CFAP61: variants seen among roughly 807,000 people sequenced by gnomAD.
CFAP61 encodes cilia- and flagella-associated protein 61.
Under a neutral mutation model 135.6 loss-of-function variants are expected in CFAP61, and 107 were observed. The observed-to-expected ratio is 0.79, with a 90% confidence interval of 0.67 to 0.93. The LOEUF (loss-of-function observed/expected upper bound fraction) is 0.93, where lower values mean the gene tolerates loss of function less well. Ranked by LOEUF, CFAP61 falls within the 40% of genes least tolerant of loss-of-function variation. CFAP61 has a pLI of 0.00. For synonymous variants in CFAP61, 575 were observed against 578.5 expected (o/e 0.99, Z 0.09); for missense variants, 1,507 against 1,556.2 (o/e 0.97, Z 0.53).
At chr20:20,116,216 C>G (rs2049130065) in intron 8 of CFAP61, among the ~76,000 whole-genome samples, 1 of 152,060 alleles carries the variant, frequency 6.6e-6, no homozygotes, top group African/African-American at 2.4e-5. Context: ...TTTCATGTAC[C>G]TGTTGTCCAT....
chr20:20,194,375 C>G (rs2056139793), intron 15 of CFAP61, among the ~76,000 whole-genome samples: 1 of 152,162 alleles, frequency 6.6e-6, no homozygotes, highest in Non-Finnish European at 1.5e-5. Flanking sequence ...ACTTCCGAGT[C>G]TCTTTCTTGT....
At chr20:20,093,360 A>G (rs1426396150) in intron 7 of CFAP61, among the ~76,000 whole-genome samples, 2 of 151,984 alleles carry the variant, frequency 1.3e-5, no homozygotes, top group Non-Finnish European at 2.9e-5. Context: ...GGGGATGAAA[A>G]TGTTCTGGGA....
intron 25 of CFAP61, among the ~76,000 whole-genome samples, chr20:20,308,343 G>A (rs2056601079): frequency 6.6e-6 from 1 of 151,996 alleles, no homozygotes. Flanking sequence ...GCCCAGTGGA[G>A]ACAGAGGAAG....
At chr20:20,098,298 TGACCTCTGA>T (rs1568896202) in intron 7 of CFAP61, among the ~76,000 whole-genome samples, 1 of 152,186 alleles carries the variant, frequency 6.6e-6, no homozygotes, top group Non-Finnish European at 1.5e-5. Context: ...GAGAATCATT[TGACCTCTGA>T]TAAAGTAATG....
chr20:20,336,569 G>A (rs957777883), intron 25 of CFAP61, among the ~76,000 whole-genome samples: 3 of 151,652 alleles, frequency 2.0e-5, no homozygotes, highest in East Asian at 1.9e-4. Flanking sequence ...AGGCTGCAGC[G>A]AGCTATGACT....
chr20:20,063,606 AC>A (rs2044993932), intron 2 of CFAP61, among the ~76,000 whole-genome samples: 1 of 152,198 alleles, frequency 6.6e-6, no homozygotes, highest in Non-Finnish European at 1.5e-5. Flanking sequence ...ATGTATACAA[AC>A]CTTTAACAAA....
intron 25 of CFAP61, among the ~76,000 whole-genome samples, chr20:20,301,328 C>G (rs1401298031): frequency 5.3e-5 from 8 of 152,086 alleles, no homozygotes; most frequent in African/African-American, 1.9e-4. Context: ...AGTTTGTAAC[C>G]TAGGAGCAAC....
rs2053223240 is a variant in CFAP61 at position 20,159,508 on chromosome 20, C to G, written c.1026+64C>G. On this transcript the variant is annotated intron_variant, in intron 10 of 26. Transcript: ENST00000245957. ...CCCCATGGGTTTCACACCTTTCTACCTCAGAGGATTTGTGCCCTTTCCTCC... is the reference window on the plus strand; with the variant it reads ...CCCCATGGGTTTCACACCTTTCTACGTCAGAGGATTTGTGCCCTTTCCTCC... The G allele has an allele frequency of 5.8e-6, 8 of 1,386,766 alleles. No individual in the cohort carries two copies. The South Asian group carries it at 8.1e-5, about 14-fold the overall frequency. The allele number at this position is 1,386,766 out of a possible 1,614,324, so 85.9% of individuals were successfully genotyped here. A position where few individuals can be genotyped will look rare whatever the true frequency, so the allele number is the denominator to read the frequency against.
intron 22 of CFAP61, among the ~76,000 whole-genome samples, chr20:20,286,927 G>A (rs1450198321): frequency 2.6e-5 from 4 of 152,206 alleles, no homozygotes; most frequent in Non-Finnish European, 5.9e-5. Flanking sequence ...GTAGGTAGAA[G>A]AACTTCTGTG....
At chr20:20,219,313 T>C (rs1461710986) in intron 17 of CFAP61, among the ~76,000 whole-genome samples, 31 of 152,202 alleles carry the variant, frequency 2.0e-4, no homozygotes, top group Admixed American at 2.0e-3. Context: ...GACTCTAGAA[T>C]ATTGATTTTA....
chr20:20,155,474 AACAG>A (rs2052818902), intron 9 of CFAP61, among the ~76,000 whole-genome samples: 1 of 152,190 alleles, frequency 6.6e-6, no homozygotes, highest in Admixed American at 6.5e-5. Flanking sequence ...CAGCAGAGTA[AACAG>A]ACAGCCCACA....
intron 9 of CFAP61, among the ~76,000 whole-genome samples, chr20:20,153,299 C>A (rs1289968766): frequency 6.6e-6 from 1 of 152,024 alleles, no homozygotes; most frequent in Non-Finnish European, 1.5e-5. Flanking sequence ...AGTCTAAGGT[C>A]ACACCTCAAG....
intron 11 of CFAP61, among the ~76,000 whole-genome samples, chr20:20,165,518 C>T (rs2053758693): frequency 6.6e-6 from 1 of 151,806 alleles, no homozygotes; most frequent in Non-Finnish European, 1.5e-5. Flanking sequence ...CCCACCCTGC[C>T]CCTCCAGAAC....
At chr20:20,172,166 A>G in intron 13 of CFAP61, 1 of 860,480 alleles carries the variant, frequency 1.2e-6, no homozygotes, top group Non-Finnish European at 1.4e-6. Flanking sequence ...TCTAGTTTTT[A>G]TCTTGTGTAT....
chr20:20,256,047 G>A (rs1311616490), intron 20 of CFAP61, among the ~76,000 whole-genome samples: 1 of 152,144 alleles, frequency 6.6e-6, no homozygotes, highest in Non-Finnish European at 1.5e-5. Flanking sequence ...CTGCCTCCCA[G>A]GCCCCACTGA....
chr20:20,326,444 A>G lies in CFAP61; in HGVS notation c.3423-15387A>G, dbSNP rs974841454. ...CCTGGAAATTGTAAAATATGCTCCT[A>G]TTTTCTTCTATCACTTTCGTAGCTT... On this transcript the variant is annotated intron_variant, in intron 25 of 26. Transcript: ENST00000245957. 2.0e-5 allele frequency among the ~76,000 whole-genome samples: 3 copies of G among 152,014 alleles called. No homozygotes were observed. The East Asian group carries it at 5.8e-4, about 29-fold the overall frequency.
In CFAP61 at chr20:20,056,766, T is replaced by C; in HGVS notation, c.113T>C (p.Leu38Pro). The change falls in exon 2 of 27, where the codon CTG becomes CCG. Residue 38 changes from leucine (L) to proline (P), a missense_variant. By Grantham distance (98) the Leu-to-Pro change is moderately conservative. Transcript: ENST00000245957. ...CTTATTAGAAAATTTACCTGCAAGCTGTTTGGGAAGCTAAATATCATCTAT... is the reference window on the plus strand; with the variant it reads ...CTTATTAGAAAATTTACCTGCAAGCCGTTTGGGAAGCTAAATATCATCTAT... ...KSLIRKFTCKLFGKLNIIYLL... is the reference protein window; with the variant it reads ...KSLIRKFTCKPFGKLNIIYLL... The C allele has an allele frequency of 6.2e-7, 1 of 1,614,002 alleles. No individual in the cohort carries two copies. The highest frequency in any genetic ancestry group is 8.5e-7 in the Non-Finnish European group (1 of 1,179,910).
At chr20:20,233,747 C>T (rs933804966) in intron 18 of CFAP61, among the ~76,000 whole-genome samples, 4 of 152,178 alleles carry the variant, frequency 2.6e-5, no homozygotes, top group African/African-American at 9.7e-5. Flanking sequence ...TAAATAAAAG[C>T]ACCTTCATTT....
intron 14 of CFAP61, among the ~76,000 whole-genome samples, chr20:20,189,992 C>T (rs1429672468): frequency 1.3e-5 from 2 of 152,146 alleles, no homozygotes; most frequent in Admixed American, 1.3e-4. Context: ...ACCATATTGG[C>T]CAGGCTGGTC....
Sources: allele counts gnomAD v4.1 joint callset (sites outside exome capture counted in the v4.1 genomes callset), GRCh38; gene constraint gnomAD v4.1.1; transcripts MANE v1.5; gene names NCBI Gene and HGNC (gene_info 2026-07-23, HGNC 2026-07-21).